The following FAN1 variants were observed in gnomAD, a reference collection of about 807,000 sequenced individuals.
FAN1 encodes the protein FANCD2 and FANCI associated nuclease 1.
In FAN1, 91 loss-of-function variants were observed where a neutral mutation model predicts 104.9. That is an observed-to-expected ratio of 0.87 (90% CI 0.73 to 1.03). The LOEUF (loss-of-function observed/expected upper bound fraction) is 1.03, where lower values mean the gene tolerates loss of function less well. FAN1 is among the 50% of genes least tolerant of loss of function. FAN1 has a pLI of 0.00. For synonymous variants in FAN1, 478 were observed against 457.6 expected (o/e 1.04, Z -0.57); for missense variants, 1,263 against 1,239.9 (o/e 1.02, Z -0.28).
chr15:30,926,600 A>T, intron 10 of FAN1: 5 of 984,252 alleles, frequency 5.1e-6, no homozygotes, highest in Non-Finnish European at 6.0e-6. Context: ...TATCTTTATT[A>T]CTTACAGGGA....
rs57426776 is a variant in FAN1 at position 30,925,709 on chromosome 15, A to G, written c.2338-80A>G. 0.05 allele frequency: 75,841 copies of G among 1,508,372 alleles called. 2,136 individuals are homozygous for G. Among genetic ancestry groups the G allele is most frequent in the Middle Eastern group, 0.1 (591 of 5,728 alleles). 93.4% of individuals were successfully genotyped at this position (1,508,372 alleles called of 1,614,324 possible). A position where few individuals can be genotyped will look rare whatever the true frequency, so the allele number is the denominator to read the frequency against. On this transcript the variant is annotated intron_variant, in intron 9 of 14. Transcript: ENST00000362065. ...ACTGACTTTGTGGTAAGGGAGGTCA[A>G]TCCTCACGATGCTACAGGCAGGTTT...
Position 30,941,669 on chromosome 15 carries a change from C to T in FAN1, c.*107C>T. 1.2e-6 allele frequency: 2 copies of T among 1,613,228 alleles called. No homozygotes were observed. Among genetic ancestry groups the T allele is most frequent in the Non-Finnish European group, 1.7e-6 (2 of 1,179,598 alleles). Reference sequence around the variant, plus strand: ...GGCGTTGAAGTACATCCTGCTCTGGCCCAGCTCCCCATAGCAGGCCTCCAG... The same window carrying T: ...GGCGTTGAAGTACATCCTGCTCTGGTCCAGCTCCCCATAGCAGGCCTCCAG... On this transcript the variant is annotated 3_prime_UTR_variant, in exon 15 of 15. Transcript: ENST00000362065.
intron 6 of FAN1, 35 bp downstream of exon 6, chr15:30,918,330 A>G: frequency 1.9e-6 from 3 of 1,608,894 alleles, no homozygotes; most frequent in Non-Finnish European, 1.7e-6. Context: ...CAAAATTTAT[A>G]CATTGACCAA....
chr15:30,939,903 TGG>T (rs2062980901), intron 14 of FAN1: 1 of 985,326 alleles, frequency 1.0e-6, no homozygotes, highest in Admixed American at 6.1e-5. Context: ...GCAAAAACCT[TGG>T]GTTTACCCAT....
intron 10 of FAN1, chr15:30,926,597 A>G (rs575884918): frequency 1.0e-6 from 1 of 984,262 alleles, no homozygotes; most frequent in Non-Finnish European, 1.2e-6. Context: ...TAATATCTTT[A>G]TTACTTACAG....
Position 30,913,742 on chromosome 15 carries a change from C to T in FAN1, c.1578-116C>T, listed in dbSNP as rs1043501147. The T allele has an allele frequency of 1.3e-5, 9 of 692,376 alleles. No homozygotes were observed. The African/African-American group carries it at 1.4e-4, about 11-fold the overall frequency. The allele number at this position is 692,376 out of a possible 1,614,324, so 42.9% of individuals were successfully genotyped here. A position where few individuals can be genotyped will look rare whatever the true frequency, so the allele number is the denominator to read the frequency against. On this transcript the variant is annotated intron_variant, in intron 4 of 14. Transcript: ENST00000362065. ...GCCCCAGAGCAGTTAAGTAATGCTC[C>T]AGTGTTTAAAATAGTGAATGTCATT...
At chr15:30,927,980 T>C (rs2062507818) in intron 10 of FAN1, 2 of 985,822 alleles carry the variant, frequency 2.0e-6, no homozygotes, top group African/African-American at 1.7e-5. Context: ...TAAGGCCAGA[T>C]GTCTCTGTAA....
intron 2 of FAN1, chr15:30,906,395 A>G (rs1019023885): frequency 2.2e-6 from 1 of 456,834 alleles, no homozygotes; most frequent in African/African-American, 2.0e-5. Flanking sequence ...CCTTTTAAAG[A>G]CAGGGTGTGG....
At position 30,942,981 on chromosome 15, in the gene FAN1, T is replaced by C. The variant is rs1224358212; in HGVS notation, c.*1419T>C. On this transcript the variant is annotated 3_prime_UTR_variant, in exon 15 of 15. Transcript: ENST00000362065. ...GGGGTTATGGAAAAGGGTGCGATCC[T>C]TTGCTGTAAACTGGAGAGACCAGTC... 5 of 1,554,872 alleles carry C rather than the reference T, an allele frequency of 3.2e-6. No homozygotes were observed. The highest frequency in any genetic ancestry group is 4.4e-6 in the Non-Finnish European group (5 of 1,148,070).
chr15:30,930,473 TG>T, intron 12 of FAN1, 69 bp from the exon 13 acceptor site: 1 of 1,522,892 alleles, frequency 6.6e-7, no homozygotes, highest in South Asian at 1.3e-5. Context: ...CTCCGTCTCG[TG>T]ATCCCTGGAG....
At chr15:30,936,407 A>T (rs1422761966) in intron 13 of FAN1, among the ~76,000 whole-genome samples, 2 of 149,840 alleles carry the variant, frequency 1.3e-5, no homozygotes, top group African/African-American at 5.0e-5. Context: ...CATGGCAAGA[A>T]GGTTAGATTT....
rs1346380377 is a variant in FAN1, at chr15:30,925,871, C to A, written c.2420C>A (p.Pro807His). 3.7e-6 allele frequency: 6 copies of A among 1,614,120 alleles called. No homozygotes were observed. Among genetic ancestry groups the A allele is most frequent in the Non-Finnish European group, 5.1e-6 (6 of 1,180,046 alleles). Residue 807 changes from proline to histidine, a missense_variant, in exon 10 of 15, where the codon CCC becomes CAC. Pro to His is a moderately conservative substitution (Grantham distance 77, BLOSUM62 -2). Around this residue, in one of 2 missense-constraint regions of FAN1, gnomAD observed 581 missense variants for 668.8 expected, o/e 0.87. Coordinates refer to ENST00000362065, the MANE Select transcript of FAN1 (RefSeq NM_014967.5). Reference protein sequence around the residue: ...FVMEAGEAADPTTVLCSVEEL... With the variant: ...FVMEAGEAADHTTVLCSVEEL... ...ATGGAGGCCGGGGAGGCCGCTGACC[C>A]CACCACGGTCCTGTGCTCTGTGGAG...
chr15:30,927,016 G>A, intron 10 of FAN1: 1 of 985,408 alleles, frequency 1.0e-6, no homozygotes. Context: ...GGACCACTTA[G>A]GAGTTAAGGA....
chr15:30,941,315 A>C (rs2063043891), intron 14 of FAN1: 11 of 1,528,552 alleles, frequency 7.2e-6, no homozygotes, highest in South Asian at 1.2e-5. Flanking sequence ...AGTGTGAAAG[A>C]AGCATGATTC....
chr15:30,911,379 G>A, intron 4 of FAN1: 1 of 985,038 alleles, frequency 1.0e-6, no homozygotes, highest in South Asian at 4.7e-5. Context: ...CTACTGTGGA[G>A]TCGAGGATGA....
At position 30,905,226 on chromosome 15, in the gene FAN1, T is replaced by A. The variant is rs1296531046; in HGVS notation, c.563T>A (p.Val188Asp). ...GSSPQSSKST[V>D]VKSLIDNSSE... ...AGTCCACAGAGTTCCAAATCCACAG[T>A]TGTTAAGAGCCTGATTGATAACTCT... The change falls in exon 2 of 15, where the codon GTT becomes GAT. Residue 188 changes from valine (V) to aspartate (D), a missense_variant. Coordinates refer to ENST00000362065, the MANE Select transcript of FAN1 (RefSeq NM_014967.5). 6.2e-7 allele frequency: 1 copy of A among 1,613,844 alleles called. No homozygotes were observed. The highest frequency in any genetic ancestry group is 1.3e-5 in the African/African-American group (1 of 74,938).
chr15:30,941,499 A>ACAAC (rs753197299), intron 14 of FAN1, 67 bp from the exon 15 acceptor site: 1 of 1,611,388 alleles, frequency 6.2e-7, no homozygotes, highest in African/African-American at 1.3e-5. Flanking sequence ...GTCTCAGTAG[A>ACAAC]CAACCATATT....
intron 5 of FAN1, among the ~76,000 whole-genome samples, chr15:30,916,885 G>A (rs1019453459): frequency 6.6e-6 from 1 of 152,166 alleles, no homozygotes; most frequent in Non-Finnish European, 1.5e-5. Context: ...AGACAGAGTG[G>A]CCCTGGAGAG....
At position 30,929,367 on chromosome 15, in the gene FAN1, G is replaced by T. The variant is rs754758846; in HGVS notation, c.2757G>T (p.Trp919Cys). The T allele has an allele frequency of 7.4e-6, 12 of 1,610,776 alleles. No homozygotes were observed. The Admixed American group carries it at 1.8e-4, about 25-fold the overall frequency. Residue 919 changes from tryptophan to cysteine, a missense_variant, in exon 12 of 15, where the codon TGG (tryptophan) becomes TGT (cysteine). Physicochemically the swap from Trp to Cys is radical, Grantham distance 215. This residue lies in a region of FAN1 where 581 missense variants were observed against 668.8 expected (regional missense o/e 0.87). Transcript: ENST00000362065. ...QEGRVASLVSWDRFTSLQQAQ... is the reference protein window; with the variant it reads ...QEGRVASLVSCDRFTSLQQAQ... Reference sequence around the variant, plus strand: ...GCAGAGTGGCTTCCCTTGTCAGCTGGGATCGCTTCACGTCTCTTCAGCAAG... The same window carrying T: ...GCAGAGTGGCTTCCCTTGTCAGCTGTGATCGCTTCACGTCTCTTCAGCAAG...
Sources: gnomAD v4.1 joint callset for allele counts (sites outside exome capture counted in the v4.1 genomes callset) on GRCh38, gnomAD v4.1.1 for gene constraint, gnomAD v4.1.1 regional missense constraint, MANE v1.5 for transcripts, NCBI Gene and HGNC (gene_info 2026-07-23, HGNC 2026-07-21) for gene names.